The following TMEM216 variants were observed in gnomAD, a reference collection of about 807,000 sequenced individuals.
The protein encoded by TMEM216 is transmembrane protein 216.
Under a neutral mutation model 17.8 loss-of-function variants are expected in TMEM216, and 15 were observed. The observed-to-expected ratio is 0.84, with a 90% CI of 0.56 to 1.30. The LOEUF is 1.30. Among genes scored for constraint, TMEM216 ranks in the 50% most tolerant of loss-of-function variants. The probability of loss-of-function intolerance (pLI) is 0.00; values close to 1 mark genes in which losing one functional copy is unlikely to be tolerated. For missense variants in TMEM216, 160 were observed against 175.7 expected, an observed-to-expected ratio of 0.91 and a Z score of 0.51; for synonymous variants, 58 against 73.5, an observed-to-expected ratio of 0.79 and a Z score of 1.08.
intron 3 of TMEM216, 150 bp from the exon 4 acceptor site, chr11:61,397,624 T>C: frequency 1.5e-6 from 1 of 652,120 alleles, no homozygotes; most frequent in Non-Finnish European, 2.6e-6. Context: ...CCTCAAACTT[T>C]TAGTACAGTG....
chr11:61,393,575 C>G (rs1465981667), intron 2 of TMEM216, among the ~76,000 whole-genome samples: 1 of 152,198 alleles, frequency 6.6e-6, no homozygotes, highest in Admixed American at 6.5e-5. Flanking sequence ...CATCACTGCT[C>G]TTTGCTGAGC....
chr11:61,398,056 C>A (rs1858840467), intron 4 of TMEM216, 81 bp downstream of exon 4: 2 of 1,551,150 alleles, frequency 1.3e-6, no homozygotes, highest in Admixed American at 3.4e-5. Flanking sequence ...TCTTCTGAAG[C>A]CTAAGGGGTC....
chr11:61,396,731 T>C (rs1030936580), intron 3 of TMEM216, among the ~76,000 whole-genome samples: 3 of 150,948 alleles, frequency 2.0e-5, no homozygotes, highest in African/African-American at 7.3e-5. Flanking sequence ...GAGGTGGAGG[T>C]TGAAGTGAGC....
chr11:61,396,749 G>T (rs1457744195), intron 3 of TMEM216, among the ~76,000 whole-genome samples: 1 of 151,430 alleles, frequency 6.6e-6, no homozygotes, highest in Non-Finnish European at 1.5e-5. Context: ...AGCCGAGATC[G>T]CTCCATTGCA....
chr11:61,393,986 G>A lies in TMEM216; in HGVS notation c.229+10G>A, dbSNP rs1590642512. 5.6e-6 allele frequency: 9 copies of A among 1,612,530 alleles called. No homozygotes were observed. Among genetic ancestry groups the A allele is most frequent in the Non-Finnish European group, 7.6e-6 (9 of 1,178,590 alleles). ...ATTCGCCTGTTTTTTGGTAAGTGTT[G>A]TCCAGAGAATATTTCCACTCCTTAT... On this transcript the variant is annotated intron_variant, in intron 3 of 4. Transcript: ENST00000515837.
chr11:61,398,131 G>C, intron 4 of TMEM216, 139 bp from the exon 5 acceptor site: 1 of 1,404,438 alleles, frequency 7.1e-7, no homozygotes, highest in Non-Finnish European at 1.0e-6. Flanking sequence ...TTTAGGGTAG[G>C]TAGATCGTTT....
chr11:61,397,604 C>G lies in TMEM216; in HGVS notation c.230-170C>G, dbSNP rs1040598115. On this transcript the variant is annotated intron_variant, in intron 3 of 4. Coordinates refer to ENST00000515837, the MANE Select transcript of TMEM216 (RefSeq NM_001173990.3). ...GGATTAAGTGACTTTAATCTTGTAG[C>G]TCTCCTAAGCCTCAAACTTTTAGTA... 5 of 556,322 alleles carry G rather than the reference C, an allele frequency of 9.0e-6. No homozygotes were observed. The East Asian group carries it at 1.4e-4, about 16-fold the overall frequency. The allele number at this position is 556,322 out of a possible 1,614,324, so 34.5% of individuals were successfully genotyped here.
chr11:61,395,573 T>C (rs1858780103), intron 3 of TMEM216, among the ~76,000 whole-genome samples: 1 of 151,948 alleles, frequency 6.6e-6, no homozygotes, highest in Non-Finnish European at 1.5e-5. Flanking sequence ...CCGTCTCTAC[T>C]AAAAATACAA....
Position 61,393,839 on chromosome 11 carries a change from G to T in TMEM216, c.137-45G>T, listed in dbSNP as rs754548417. Reference sequence around the variant, plus strand: ...CCCAAGTGTGTGGCAGTTCTTGTGGGTGCTGTTATATGCTGTTTGCAAACT... The same window carrying T: ...CCCAAGTGTGTGGCAGTTCTTGTGGTTGCTGTTATATGCTGTTTGCAAACT... On this transcript the variant is annotated intron_variant, in intron 2 of 4. Coordinates refer to ENST00000515837, the MANE Select transcript of TMEM216 (RefSeq NM_001173990.3). The T allele has an allele frequency of 5.3e-6, 8 of 1,498,266 alleles. No homozygotes were observed. The East Asian group carries it at 1.6e-4, about 30-fold the overall frequency. The allele number at this position is 1,498,266 out of a possible 1,614,324, so 92.8% of individuals were successfully genotyped here. A position where few individuals can be genotyped will look rare whatever the true frequency, so the allele number is the denominator to read the frequency against.
chr11:61,398,093 A>C lies in TMEM216; in HGVS notation c.431+118A>C, dbSNP rs61895954. On this transcript the variant is annotated intron_variant, in intron 4 of 4. Coordinates refer to ENST00000515837, the MANE Select transcript of TMEM216 (RefSeq NM_001173990.3). ...AGAAGACTTTTTTCTAGAGGGAGGA[A>C]GGGGTGGCTATGGGATTGCCTTTCC... 0.021 allele frequency: 29,243 copies of C among 1,400,642 alleles called. 398 individuals are homozygous for C. The highest frequency in any genetic ancestry group is 0.024 in the Non-Finnish European group (24,012 of 997,416). 86.8% of individuals were successfully genotyped at this position (1,400,642 alleles called of 1,614,324 possible). A position where few individuals can be genotyped will look rare whatever the true frequency, so the allele number is the denominator to read the frequency against.
rs1858834900 is a variant in TMEM216 at position 61,397,913 on chromosome 11, C to T, written c.369C>T (p.Ile123=). 1 of 1,613,934 alleles carries T rather than the reference C, an allele frequency of 6.2e-7. No homozygotes were observed. Among genetic ancestry groups the T allele is most frequent in the African/African-American group, 1.3e-5 (1 of 74,934 alleles). ...GCCTGGAAGCCATCATGAATGGCATCTTGCTCTTCTTCTGTGGCTCAGAGC... is the reference window on the plus strand; with the variant it reads ...GCCTGGAAGCCATCATGAATGGCATTTTGCTCTTCTTCTGTGGCTCAGAGC... ...VLRLEAIMNG[I]LLFFCGSELL... is the part of the protein sequence containing the mutation. Residue 123 remains isoleucine, a synonymous_variant, in exon 4 of 5, where the codon ATC becomes ATT. Coordinates refer to ENST00000515837, the MANE Select transcript of TMEM216 (RefSeq NM_001173990.3).
At chr11:61,393,660 G>A (rs997214395) in intron 2 of TMEM216, among the ~76,000 whole-genome samples, 1 of 152,176 alleles carries the variant, frequency 6.6e-6, no homozygotes, top group Non-Finnish European at 1.5e-5. Flanking sequence ...AATCATTTTG[G>A]AGAGTGGAGT....
intron 3 of TMEM216, among the ~76,000 whole-genome samples, chr11:61,395,836 A>G (rs1171883047): frequency 6.6e-6 from 1 of 152,164 alleles, no homozygotes; most frequent in Non-Finnish European, 1.5e-5. Flanking sequence ...ATAAAAATCA[A>G]ATTGAAACAA....
At chr11:61,394,291 G>A (rs932536228) in intron 3 of TMEM216, 4 of 345,916 alleles carry the variant, frequency 1.2e-5, no homozygotes, top group African/African-American at 2.1e-5. Flanking sequence ...GTAACTCCAC[G>A]TCAGGGCAGG....
At chr11:61,392,799 G>A in intron 1 of TMEM216, 134 bp downstream of exon 1, 3 of 1,519,206 alleles carry the variant, frequency 2.0e-6, no homozygotes, top group Non-Finnish European at 2.6e-6. Flanking sequence ...TCCAAAGCCG[G>A]CTTCCGCGGT....
At chr11:61,393,460 G>A (rs181770685) in intron 2 of TMEM216, 128 bp downstream of exon 2, 3 of 667,226 alleles carry the variant, frequency 4.5e-6, no homozygotes, top group Non-Finnish European at 7.7e-6. Context: ...TGCAAGGCAG[G>A]CCTCCTCATC....
At chr11:61,397,216 G>C (rs1318679112) in intron 3 of TMEM216, among the ~76,000 whole-genome samples, 5 of 151,146 alleles carry the variant, frequency 3.3e-5, no homozygotes, top group African/African-American at 1.2e-4. Flanking sequence ...CCCCAGGCTG[G>C]AGTGCAGTGG....
intron 3 of TMEM216, among the ~76,000 whole-genome samples, chr11:61,396,979 T>G (rs1276586168): frequency 2.6e-5 from 4 of 151,126 alleles, no homozygotes; most frequent in Admixed American, 2.6e-4. Context: ...AAAATGTTTG[T>G]GGGGGAAAAA....
At chr11:61,397,684 C>T (rs1858828412) in intron 3 of TMEM216, 90 bp from the exon 4 acceptor site, 2 of 1,203,806 alleles carry the variant, frequency 1.7e-6, no homozygotes, top group Admixed American at 1.9e-5. Context: ...ATTTTTTGTG[C>T]CTTGCCATTC....
Sources: gnomAD v4.1 joint callset for allele counts (sites outside exome capture counted in the v4.1 genomes callset) on GRCh38, gnomAD v4.1.1 for gene constraint, MANE v1.5 for transcripts, NCBI Gene and HGNC (gene_info 2026-07-23, HGNC 2026-07-21) for gene names.